Variants in TPRG1 observed in about 807,000 individuals in gnomAD.
TPRG1 encodes tumor protein p63-regulated gene 1 protein.
TPRG1 carries 29 observed loss-of-function variants against 29.3 expected under a neutral mutation model. That is an observed-to-expected ratio of 0.99 (90% CI 0.74 to 1.35). The LOEUF (loss-of-function observed/expected upper bound fraction) is 1.35, where lower values mean the gene tolerates loss of function less well. Among genes scored for constraint, TPRG1 ranks in the 40% most tolerant of loss-of-function variants. The probability of loss-of-function intolerance (pLI) is 0.00; values close to 1 mark genes in which losing one functional copy is unlikely to be tolerated. For synonymous variants in TPRG1, 130 were observed against 116.8 expected (o/e 1.11, Z -0.73); for missense variants, 327 against 335.0 (o/e 0.98, Z 0.19).
chr3:189,097,833 G>A (rs1474475974), upstream of TPRG1, among the ~76,000 whole-genome samples: 1 of 152,156 alleles, frequency 6.6e-6, no homozygotes, highest in African/African-American at 2.4e-5. Context: ...TGTCTTCTCT[G>A]AAAGGATCTC....
At chr3:189,287,914 CATA>C (rs1238877918) in intron 4 of TPRG1, among the ~76,000 whole-genome samples, 1 of 151,910 alleles carries the variant, frequency 6.6e-6, no homozygotes, top group Non-Finnish European at 1.5e-5. Flanking sequence ...GAATTGAGTT[CATA>C]ATGATGAAAT....
At chr3:189,243,313 A>G (rs1458946693) in intron 4 of TPRG1, among the ~76,000 whole-genome samples, 1 of 152,130 alleles carries the variant, frequency 6.6e-6, no homozygotes, top group Non-Finnish European at 1.5e-5. Flanking sequence ...AGAGGATGAT[A>G]CCCATTCCTG....
chr3:189,083,002 A>G (rs1717704192), intron 4 of TPRG1, among the ~76,000 whole-genome samples: 2 of 152,178 alleles, frequency 1.3e-5, no homozygotes, highest in South Asian at 4.1e-4. Context: ...AAGCAGGACA[A>G]GAAAAAGGGA....
chr3:189,313,760 G>A (rs1468489479), intron 5 of TPRG1, among the ~76,000 whole-genome samples: 2 of 152,274 alleles, frequency 1.3e-5, no homozygotes, highest in African/African-American at 4.8e-5. Context: ...TGCCTTTGTG[G>A]AAGGCAGTGC....
At chr3:189,183,081 C>G (rs1390418320) in intron 1 of TPRG1, among the ~76,000 whole-genome samples, 1 of 152,058 alleles carries the variant, frequency 6.6e-6, no homozygotes, top group Non-Finnish European at 1.5e-5. Flanking sequence ...GGGAACCTGC[C>G]CCAGTAGTCA....
chr3:189,237,568 C>A (rs1483348012), intron 3 of TPRG1, among the ~76,000 whole-genome samples: 2 of 152,098 alleles, frequency 1.3e-5, no homozygotes, highest in East Asian at 1.9e-4. Flanking sequence ...GCATTTGAAC[C>A]ATGACTTGAA....
intron 4 of TPRG1, among the ~76,000 whole-genome samples, chr3:189,280,778 T>C (rs1042894576): frequency 1.3e-5 from 2 of 152,224 alleles, no homozygotes; most frequent in African/African-American, 4.8e-5. Context: ...CTCTGTAATA[T>C]ATGAATGATA....
At chr3:189,312,153 CT>C (rs1200840245) in intron 5 of TPRG1, among the ~76,000 whole-genome samples, 2 of 57,558 alleles carry the variant, frequency 3.5e-5, no homozygotes, top group African/African-American at 1.4e-4. Context: ...TTCTTTCTTT[CT>C]TTCTTTCTTT....
chr3:189,117,621 G>T (rs917213259), intron 1 of TPRG1, among the ~76,000 whole-genome samples: 2 of 152,218 alleles, frequency 1.3e-5, no homozygotes, highest in African/African-American at 4.8e-5. Flanking sequence ...CCCATGGGAG[G>T]TAATTGGATC....
At chr3:189,032,030 C>T (rs535978035) in intron 4 of TPRG1, among the ~76,000 whole-genome samples, 125 of 152,194 alleles carry the variant, frequency 8.2e-4, no homozygotes, top group African/African-American at 3.0e-3. Flanking sequence ...CCCCTTACTC[C>T]AAATATATCC....
intron 4 of TPRG1, among the ~76,000 whole-genome samples, chr3:189,056,894 A>G (rs114355574): frequency 2.5e-4 from 38 of 152,288 alleles, no homozygotes; most frequent in African/African-American, 9.1e-4. Flanking sequence ...GTACTATGTC[A>G]CGATTGAAGA....
intron 3 of TPRG1, chr3:189,147,441 T>C (rs1725413417): frequency 6.6e-6 from 1 of 152,086 alleles, no homozygotes; most frequent in African/African-American, 2.4e-5. Context: ...ACGCAACACT[T>C]GGTTAGAGAG....
Position 189,145,359 on chromosome 3 carries a change from TA to T in TPRG1, c.-290-2211del, listed in dbSNP as rs58210295. On this transcript the variant is annotated intron_variant, in intron 3 of 6. Transcript: ENST00000412373. ...CCTGGCAACAGAGGGAGACTCCATC[TA>T]AAAAAAAAAAAAACATGCCAAACTA... Among the ~76,000 whole-genome samples the T allele has an allele frequency of 7.9e-3, 851 of 107,260 alleles. 31 individuals are homozygous for T. In the East Asian group the frequency reaches 0.11, roughly 14 times the overall value. 70.4% of individuals were successfully genotyped at this position (107,260 alleles called of 152,430 possible).
intron 1 of TPRG1, among the ~76,000 whole-genome samples, chr3:189,198,079 T>C (rs1260702065): frequency 6.6e-6 from 1 of 152,158 alleles, no homozygotes; most frequent in Admixed American, 6.5e-5. Context: ...CATTGCAAAA[T>C]GTTAGTTTTC....
At chr3:188,998,754 G>A (rs1711902794) in intron 1 of TPRG1, among the ~76,000 whole-genome samples, 1 of 152,128 alleles carries the variant, frequency 6.6e-6, no homozygotes, top group Non-Finnish European at 1.5e-5. Context: ...TCACTCATAT[G>A]TGAGCTAAAA....
intron 5 of TPRG1, among the ~76,000 whole-genome samples, chr3:189,152,909 A>AT (rs1726159302): frequency 6.6e-6 from 1 of 152,024 alleles, no homozygotes; most frequent in African/African-American, 2.4e-5. Flanking sequence ...CGCCATTATT[A>AT]TTAAAAAGTA....
intron 4 of TPRG1, among the ~76,000 whole-genome samples, chr3:189,258,606 C>T (rs1056278256): frequency 1.3e-4 from 20 of 152,134 alleles, no homozygotes; most frequent in Admixed American, 4.6e-4. Flanking sequence ...TGCCCACAGC[C>T]GCCCCTTCCC....
chr3:189,085,255 G>C (rs1229590180), intron 4 of TPRG1, among the ~76,000 whole-genome samples: 2 of 152,190 alleles, frequency 1.3e-5, no homozygotes, highest in Non-Finnish European at 2.9e-5. Flanking sequence ...GCCTGAAGGT[G>C]TGTCAGTCTG....
At chr3:189,205,079 C>A (rs570165771) in intron 1 of TPRG1, among the ~76,000 whole-genome samples, 50 of 152,222 alleles carry the variant, frequency 3.3e-4, no homozygotes, top group African/African-American at 1.1e-3. Flanking sequence ...TCAGAGACAT[C>A]TTTTCTGTCA....
Sources: allele counts gnomAD v4.1 joint callset (sites outside exome capture counted in the v4.1 genomes callset), GRCh38; gene constraint gnomAD v4.1.1; transcripts MANE v1.5; gene names NCBI Gene and HGNC (gene_info 2026-07-23, HGNC 2026-07-21).